The following SLC39A12 variants were observed in gnomAD, a reference collection of about 807,000 sequenced individuals.
The protein encoded by SLC39A12 is zinc transporter ZIP12.
Under a neutral mutation model 71.1 loss-of-function variants are expected in SLC39A12, and 63 were observed. The ratio of observed to expected loss-of-function variants is 0.89; its 90% CI spans 0.72 to 1.09. The LOEUF (loss-of-function observed/expected upper bound fraction) is 1.09. SLC39A12 is among the 50% of genes least tolerant of loss of function. SLC39A12 has a pLI of 0.00. For synonymous variants in SLC39A12, 351 were observed against 301.3 expected (o/e 1.16, Z -1.71); for missense variants, 892 against 812.6 (o/e 1.10, Z -1.19).
At chr10:18,020,357 C>G (rs1429817797) in intron 12 of SLC39A12, among the ~76,000 whole-genome samples, 1 of 151,952 alleles carries the variant, frequency 6.6e-6, no homozygotes, top group East Asian at 1.9e-4. Context: ...TTTTCTTTAT[C>G]CACTCCACCA....
At chr10:17,956,659 C>G (rs1369236565) in intron 2 of SLC39A12, among the ~76,000 whole-genome samples, 1 of 152,188 alleles carries the variant, frequency 6.6e-6, no homozygotes, top group Non-Finnish European at 1.5e-5. Flanking sequence ...CCTCCACTGT[C>G]CTTGATTCTG....
intron 12 of SLC39A12, among the ~76,000 whole-genome samples, chr10:18,010,713 C>T (rs572739499): frequency 1.3e-5 from 2 of 152,288 alleles, no homozygotes; most frequent in East Asian, 3.9e-4. Flanking sequence ...CTCTTTTCTT[C>T]TAACTAATTT....
At position 17,960,614 on chromosome 10, in the gene SLC39A12, T is replaced by C. The variant is rs560795472; in HGVS notation, c.262-967T>C. Among the ~76,000 whole-genome samples the C allele has an allele frequency of 9.7e-4, 147 of 152,300 alleles. 1 individual carries two copies. The highest frequency in any genetic ancestry group is 1.6e-3 in the Non-Finnish European group (106 of 68,016). On this transcript the variant is annotated intron_variant, in intron 2 of 12. Coordinates refer to ENST00000377369, the MANE Select transcript of SLC39A12 (RefSeq NM_001145195.2). ...GCTGTTAGTGGACCACAGGTTCTCA[T>C]AGAGAAGAGAGAGAATAAACAAGTA...
chr10:18,000,863 G>A (rs1835815494), intron 11 of SLC39A12, 38 bp downstream of exon 11: 1 of 1,584,410 alleles, frequency 6.3e-7, no homozygotes, highest in Admixed American at 1.7e-5. Flanking sequence ...CTGGCCTGTT[G>A]AGAAAGAAAT....
At chr10:18,008,176 C>T (rs938352954) in intron 12 of SLC39A12, among the ~76,000 whole-genome samples, 4 of 152,280 alleles carry the variant, frequency 2.6e-5, no homozygotes, top group South Asian at 4.1e-4. Flanking sequence ...AGGAGGTGAG[C>T]GGCAGGTGAG....
In SLC39A12 at chr10:17,980,791, A is replaced by C. The variant is rs76863874; in HGVS notation, c.925-521A>C. Among the ~76,000 whole-genome samples the C allele has an allele frequency of 4.5e-3, 683 of 152,212 alleles. 4 individuals carry two copies. The highest frequency in any genetic ancestry group is 0.015 in the African/African-American group (643 of 41,538). ...TAGCTACATCATTTGGTATTTACAC[A>C]GCAGCTAGTTGACATAGCTTTACTT... On this transcript the variant is annotated intron_variant, in intron 5 of 12. Coordinates refer to ENST00000377369, the MANE Select transcript of SLC39A12 (RefSeq NM_001145195.2).
chr10:18,023,735 G>C (rs1836598364), intron 12 of SLC39A12, among the ~76,000 whole-genome samples: 1 of 152,180 alleles, frequency 6.6e-6, no homozygotes, highest in African/African-American at 2.4e-5. Flanking sequence ...AGGGTAGCAA[G>C]GGTAGTTCCT....
chr10:17,961,219 G>A (rs1340985161), intron 2 of SLC39A12, among the ~76,000 whole-genome samples: 1 of 151,774 alleles, frequency 6.6e-6, no homozygotes, highest in African/African-American at 2.4e-5. Flanking sequence ...AAGGAAGGAG[G>A]GTAGAGTAGA....
chr10:17,965,342 A>T (rs1352743797), intron 3 of SLC39A12, 141 bp from the exon 4 acceptor site: 3 of 690,200 alleles, frequency 4.3e-6, no homozygotes, highest in Non-Finnish European at 7.2e-6. Context: ...CAGGAGAAAG[A>T]TGATAGTCAT....
intron 4 of SLC39A12, 23 bp from the exon 5 acceptor site, chr10:17,977,879 C>G (rs1835149866): frequency 6.5e-7 from 1 of 1,548,282 alleles, no homozygotes; most frequent in Non-Finnish European, 8.7e-7. Flanking sequence ...TATGTGACAC[C>G]AGATTTTATA....
chr10:17,967,286 GT>G (rs1335072484), intron 4 of SLC39A12, among the ~76,000 whole-genome samples: 2 of 152,150 alleles, frequency 1.3e-5, no homozygotes, highest in Non-Finnish European at 2.9e-5. Flanking sequence ...GCTGTTTTAT[GT>G]TAGTACCTTC....
intron 5 of SLC39A12, 133 bp downstream of exon 5, chr10:17,978,207 C>T (rs1835164214): frequency 1.5e-6 from 1 of 687,504 alleles, no homozygotes; most frequent in Non-Finnish European, 2.2e-6. Context: ...ATTCTAGTTC[C>T]ACCACGTAGT....
chr10:17,964,940 C>T (rs1834785050), intron 3 of SLC39A12, among the ~76,000 whole-genome samples: 1 of 152,326 alleles, frequency 6.6e-6, no homozygotes, highest in East Asian at 1.9e-4. Context: ...GGTGTGGTGG[C>T]TTATGCCTGT....
intron 12 of SLC39A12, among the ~76,000 whole-genome samples, chr10:18,007,619 T>C (rs1246282309): frequency 6.6e-6 from 1 of 152,246 alleles, no homozygotes; most frequent in Non-Finnish European, 1.5e-5. Flanking sequence ...GGTTGCCCAT[T>C]TTCATGGTTA....
chr10:18,021,553 T>G (rs1277615677), intron 12 of SLC39A12, among the ~76,000 whole-genome samples: 1 of 152,146 alleles, frequency 6.6e-6, no homozygotes, highest in Admixed American at 6.5e-5. Context: ...AGCATACATT[T>G]AGGTCTTGCT....
chr10:18,011,067 A>G (rs1251023810), intron 12 of SLC39A12, among the ~76,000 whole-genome samples: 1 of 151,626 alleles, frequency 6.6e-6, no homozygotes, highest in African/African-American at 2.4e-5. Flanking sequence ...CGCCCCCTCC[A>G]GGTATTTCCT....
chr10:18,041,622 T>G (rs970340677), intron 12 of SLC39A12, among the ~76,000 whole-genome samples: 5 of 126,692 alleles, frequency 3.9e-5, no homozygotes, highest in Admixed American at 8.2e-5. Flanking sequence ...TATATACATA[T>G]GTATATATGT....
chr10:18,026,341 T>G lies in SLC39A12; in HGVS notation c.1948-16364T>G, dbSNP rs182958553. Among the ~76,000 whole-genome samples the G allele has an allele frequency of 4.6e-5, 7 of 152,230 alleles. No homozygotes were observed. In the East Asian group the frequency reaches 1.4e-3, roughly 29 times the overall value. ...AGTAGGGTGCAGGATTTTCGGTGGG[T>G]GGATTTTTTCTCTTAACACTTTAAA... On this transcript the variant is annotated intron_variant, in intron 12 of 12. Transcript: ENST00000377369.
At chr10:17,964,341 T>C (rs961428017) in intron 3 of SLC39A12, among the ~76,000 whole-genome samples, 1 of 152,230 alleles carries the variant, frequency 6.6e-6, no homozygotes, top group African/African-American at 2.4e-5. Flanking sequence ...GTTGTAAATA[T>C]GTTCCTGCCA....
Sources: allele counts gnomAD v4.1 joint callset (sites outside exome capture counted in the v4.1 genomes callset), GRCh38; gene constraint gnomAD v4.1.1; transcripts MANE v1.5; gene names NCBI Gene and HGNC (gene_info 2026-07-23, HGNC 2026-07-21).